Variants in CACNB2 observed in about 807,000 individuals in gnomAD.
CACNB2 encodes calcium voltage-gated channel auxiliary subunit beta 2.
CACNB2 carries 42 observed loss-of-function variants against 73.3 expected under a neutral mutation model. The observed-to-expected ratio is 0.57, with a 90% CI of 0.45 to 0.74. The LOEUF is 0.74. Ranked by LOEUF, CACNB2 falls within the 30% of genes least tolerant of loss-of-function variation. CACNB2 has a pLI of 0.00. For missense variants in CACNB2, 940 were observed against 853.0 expected, an observed-to-expected ratio of 1.10 and a Z score of -1.27; for synonymous variants, 348 against 310.3, an observed-to-expected ratio of 1.12 and a Z score of -1.28.
chr10:18,525,113 G>A (rs2052342425), intron 9 of CACNB2, among the ~76,000 whole-genome samples: 1 of 151,190 alleles, frequency 6.6e-6, no homozygotes, highest in South Asian at 2.1e-4. Flanking sequence ...TAAATATGGA[G>A]CCAGCCAAAA....
chr10:18,302,131 C>A (rs2039545335), intron 2 of CACNB2, among the ~76,000 whole-genome samples: 1 of 152,128 alleles, frequency 6.6e-6, no homozygotes, highest in Non-Finnish European at 1.5e-5. Flanking sequence ...CACATCAGGC[C>A]TCCCAACTTG....
chr10:18,401,916 C>G lies in CACNB2; in HGVS notation c.214-8C>G, dbSNP rs1369229727. On this transcript the variant is annotated splice_region_variant and splice_polypyrimidine_tract_variant and intron_variant, in intron 2 of 13. Coordinates refer to ENST00000324631, the MANE Select transcript of CACNB2 (RefSeq NM_201596.3). ...AATCTACTTTAAAATGTACATTTTC[C>G]TCTCCAGGGTTCGGCAGACTCCTAC... 6.2e-7 allele frequency: 1 copy of G among 1,613,836 alleles called. No individual in the cohort carries two copies. The highest frequency in any genetic ancestry group is 1.1e-5 in the South Asian group (1 of 91,046).
At chr10:18,489,825 AT>A (rs1319666983) in intron 3 of CACNB2, among the ~76,000 whole-genome samples, 3 of 152,118 alleles carry the variant, frequency 2.0e-5, no homozygotes, top group Non-Finnish European at 4.4e-5. Flanking sequence ...CTCAACAAAT[AT>A]TGATTGGAAA....
At chr10:18,313,728 CCTT>C (rs1251532843) in intron 2 of CACNB2, among the ~76,000 whole-genome samples, 2 of 152,204 alleles carry the variant, frequency 1.3e-5, no homozygotes, top group African/African-American at 4.8e-5. Context: ...GGCTATCACT[CCTT>C]CTTGTGAGCC....
chr10:18,471,040 C>A (rs186712068), intron 3 of CACNB2, among the ~76,000 whole-genome samples: 106 of 152,284 alleles, frequency 7.0e-4, no homozygotes, highest in Non-Finnish European at 1.3e-3. Context: ...TGCGGTGGGT[C>A]ACACCTGTAA....
At chr10:18,143,275 G>C (rs969094906) in intron 1 of CACNB2, among the ~76,000 whole-genome samples, 1 of 152,232 alleles carries the variant, frequency 6.6e-6, no homozygotes, top group Non-Finnish European at 1.5e-5. Flanking sequence ...AGTCTTAGGA[G>C]TCCAGAGGTG....
intron 1 of CACNB2, among the ~76,000 whole-genome samples, chr10:18,144,502 C>G (rs1490424544): frequency 6.6e-6 from 1 of 152,174 alleles, no homozygotes; most frequent in Non-Finnish European, 1.5e-5. Flanking sequence ...CAGCGTGAAC[C>G]TGGACACAGT....
At chr10:18,495,506 A>G (rs1564616654) in intron 3 of CACNB2, among the ~76,000 whole-genome samples, 1 of 151,466 alleles carries the variant, frequency 6.6e-6, no homozygotes, top group Non-Finnish European at 1.5e-5. Context: ...GGCATGAGCC[A>G]TCACGCCCGG....
At chr10:18,347,950 T>A (rs995265039) in intron 2 of CACNB2, among the ~76,000 whole-genome samples, 1 of 152,230 alleles carries the variant, frequency 6.6e-6, no homozygotes, top group Non-Finnish European at 1.5e-5. Flanking sequence ...CCAAGTCTTT[T>A]ACAGTGGGCT....
chr10:18,227,756 G>A (rs188747194), intron 2 of CACNB2, among the ~76,000 whole-genome samples: 2 of 152,152 alleles, frequency 1.3e-5, no homozygotes, highest in South Asian at 2.1e-4. Flanking sequence ...AGTATGCTGC[G>A]TGCCTCACCG....
At chr10:18,189,987 G>A (rs1010717401) in intron 2 of CACNB2, among the ~76,000 whole-genome samples, 6 of 152,280 alleles carry the variant, frequency 3.9e-5, no homozygotes, top group Admixed American at 2.0e-4. Flanking sequence ...CGGAAAGCCC[G>A]TAAGCAAATG....
chr10:18,208,377 C>T (rs138818917), intron 2 of CACNB2, among the ~76,000 whole-genome samples: 226 of 152,186 alleles, frequency 1.5e-3, no homozygotes, highest in African/African-American at 5.2e-3. Context: ...ACTTGGCATG[C>T]TAAGGTGGAA....
chr10:18,220,186 C>CATATACAT (rs1245870349), intron 2 of CACNB2, among the ~76,000 whole-genome samples: 1,817 of 14,000 alleles, frequency 0.13, 257 homozygotes, highest in African/African-American at 0.2. Context: ...CATATATATA[C>CATATACAT]ATATATATGT....
Position 18,431,020 on chromosome 10 carries a change from C to T in CACNB2, c.333+28977C>T, listed in dbSNP as rs541124007. Among the ~76,000 whole-genome samples, 46 of 152,210 alleles carry T rather than the reference C, an allele frequency of 3.0e-4. No homozygotes were observed. In the South Asian group the frequency reaches 4.2e-3, roughly 14 times the overall value. On this transcript the variant is annotated intron_variant, in intron 3 of 13. Transcript: ENST00000324631. Reference sequence around the variant, plus strand: ...GGAGACAGGATCTCACTCTGTCACCCAGGTTGGAGTGCAGTGGCATGATCA... The same window carrying T: ...GGAGACAGGATCTCACTCTGTCACCTAGGTTGGAGTGCAGTGGCATGATCA...
At chr10:18,341,181 T>C (rs939810418) in intron 2 of CACNB2, among the ~76,000 whole-genome samples, 5 of 152,228 alleles carry the variant, frequency 3.3e-5, no homozygotes, top group African/African-American at 1.2e-4. Context: ...GTAACTCTGG[T>C]TTTAAACTGT....
intron 2 of CACNB2, among the ~76,000 whole-genome samples, chr10:18,282,408 T>C (rs1473826336): frequency 1.3e-5 from 2 of 152,150 alleles, no homozygotes; most frequent in African/African-American, 2.4e-5. Flanking sequence ...GTCCTTGTCA[T>C]AGACAAAAGA....
chr10:18,400,915 A>C, intron 2 of CACNB2: 1 of 1,567,334 alleles, frequency 6.4e-7, no homozygotes, highest in Admixed American at 1.9e-5. Context: ...GGGACGGAGA[A>C]CAGGGGCTTG....
At chr10:18,519,891 G>T in intron 9 of CACNB2, 1 of 365,750 alleles carries the variant, frequency 2.7e-6, no homozygotes, top group Non-Finnish European at 5.3e-6. Context: ...TTGACCATGA[G>T]CAGTAGTTGA....
chr10:18,237,066 C>T (rs1246589884), intron 2 of CACNB2, among the ~76,000 whole-genome samples: 2 of 152,004 alleles, frequency 1.3e-5, no homozygotes, highest in East Asian at 3.9e-4. Context: ...ATCTCAAAGG[C>T]GAAAGGGTGA....
Sources: allele counts gnomAD v4.1 joint callset (sites outside exome capture counted in the v4.1 genomes callset), GRCh38; gene constraint gnomAD v4.1.1; transcripts MANE v1.5; gene names NCBI Gene and HGNC (gene_info 2026-07-23, HGNC 2026-07-21).